The following MRO variants were observed in gnomAD, a reference collection of about 807,000 sequenced individuals.
The protein encoded by MRO is maestro, also known as protein maestro.
MRO carries 28 observed loss-of-function variants against 31.0 expected under a neutral mutation model. The ratio of observed to expected loss-of-function variants is 0.90; its 90% CI spans 0.67 to 1.24. The LOEUF is 1.24. Among genes scored for constraint, MRO ranks in the 50% most tolerant of loss-of-function variants. The probability of loss-of-function intolerance (pLI) is 0.00; values close to 1 mark genes in which losing one functional copy is unlikely to be tolerated. For missense variants in MRO, 332 were observed against 289.2 expected, an observed-to-expected ratio of 1.15 and a Z score of -1.07; for synonymous variants, 108 against 108.4, an observed-to-expected ratio of 1.00 and a Z score of 0.02.
chr18:50,807,317 C>T (rs978098444), intron 3 of MRO, among the ~76,000 whole-genome samples: 6 of 152,110 alleles, frequency 3.9e-5, no homozygotes, highest in Admixed American at 6.5e-5. Context: ...TGTTTTCTCC[C>T]GTTTGTCTCC....
At chr18:50,824,039 GT>G (rs1233551455), upstream of MRO, 2 of 152,332 alleles carry the variant, frequency 1.3e-5, no homozygotes, top group Admixed American at 6.5e-5. Flanking sequence ...GGAACAAATT[GT>G]TTCTAAACCA....
upstream of MRO, among the ~76,000 whole-genome samples, chr18:50,824,378 C>G (rs1381704997): frequency 1.3e-5 from 2 of 151,540 alleles, no homozygotes; most frequent in East Asian, 3.9e-4. Context: ...GAGGTCAAGG[C>G]TAAAGTAAGC....
At chr18:50,805,025 C>A in intron 5 of MRO, 129 bp downstream of exon 5, 1 of 653,908 alleles carries the variant, frequency 1.5e-6, no homozygotes, top group Non-Finnish European at 2.6e-6. Context: ...CTCCTGACCT[C>A]GTGATCCCAC....
chr18:50,799,442 T>G (rs1469803735), intron 7 of MRO, 52 bp from the exon 8 acceptor site: 2 of 1,501,344 alleles, frequency 1.3e-6, no homozygotes, highest in Non-Finnish European at 9.3e-7. Context: ...ACAAACTTCC[T>G]TGACAATGTA....
At chr18:50,824,443 CT>C (rs35455658), upstream of MRO, among the ~76,000 whole-genome samples, 107 of 139,354 alleles carry the variant, frequency 7.7e-4, no homozygotes, top group Admixed American at 2.3e-3. Flanking sequence ...ACTGTCTTTT[CT>C]TTTTTTTTTT....
intron 6 of MRO, 83 bp from the exon 7 acceptor site, chr18:50,800,226 C>T (rs1005522239): frequency 1.0e-6 from 1 of 966,860 alleles, no homozygotes; most frequent in African/African-American, 1.6e-5. Flanking sequence ...GGATTGCACC[C>T]AATCTGTGGT....
intron 2 of MRO, 131 bp downstream of exon 2, chr18:50,819,448 CAA>C: frequency 6.9e-7 from 1 of 1,440,660 alleles, no homozygotes; most frequent in Non-Finnish European, 9.1e-7. Context: ...AGAACATTAC[CAA>C]ATCCTACCCC....
At chr18:50,799,477 G>T (rs531960774) in intron 7 of MRO, 87 bp from the exon 8 acceptor site, 127 of 1,140,558 alleles carry the variant, frequency 1.1e-4, no homozygotes, top group Admixed American at 1.1e-3. Context: ...ATCAGTGCAG[G>T]GCATGTGGAT....
upstream of MRO, among the ~76,000 whole-genome samples, chr18:50,825,001 AGAGGTC>A (rs1271100705): frequency 6.6e-6 from 1 of 150,652 alleles, no homozygotes; most frequent in Non-Finnish European, 1.5e-5. Context: ...CCTGGGAGGC[AGAGGTC>A]GCAGTGAGCC....
intron 5 of MRO, among the ~76,000 whole-genome samples, chr18:50,802,915 T>TGTGTG (rs780095287): frequency 3.7e-5 from 4 of 108,950 alleles, no homozygotes; most frequent in East Asian, 2.6e-4. Flanking sequence ...TGTGTGTGTG[T>TGTGTG]AGTGTGTGTG....
At chr18:50,802,289 C>T (rs1391607373) in intron 5 of MRO, among the ~76,000 whole-genome samples, 1 of 152,148 alleles carries the variant, frequency 6.6e-6, no homozygotes, top group African/African-American at 2.4e-5. Flanking sequence ...ACCCTCCCAC[C>T]TCTCCCTGCT....
intron 2 of MRO, among the ~76,000 whole-genome samples, chr18:50,816,379 T>C (rs1232398400): frequency 6.6e-6 from 1 of 152,242 alleles, no homozygotes; most frequent in Non-Finnish European, 1.5e-5. Context: ...TATTGCCCTG[T>C]AAATTGTGGT....
intron 7 of MRO, 35 bp downstream of exon 7, chr18:50,800,001 C>G (rs201341785): frequency 1.3e-6 from 2 of 1,491,978 alleles, no homozygotes; most frequent in African/African-American, 2.8e-5. Context: ...GGGCAGGGAC[C>G]GGAAAAGAAT....
Position 50,813,901 on chromosome 18 carries a change from C to T in MRO, c.-4-4497G>A, listed in dbSNP as rs182825667. On this transcript the variant is annotated intron_variant, in intron 2 of 7. Transcript: ENST00000398439. ...ACCTGTTGGGTACCATGCTTATTACCTGAGTGACAAAACAATCTGTACTTC... is the reference window on the plus strand; with the variant it reads ...ACCTGTTGGGTACCATGCTTATTACTTGAGTGACAAAACAATCTGTACTTC... Among the ~76,000 whole-genome samples, 9 of 152,276 alleles carry T rather than the reference C, an allele frequency of 5.9e-5. No homozygotes were observed. The East Asian group carries it at 1.7e-3, about 29-fold the overall frequency.
intron 5 of MRO, among the ~76,000 whole-genome samples, chr18:50,803,088 C>T (rs1445422285): frequency 6.6e-6 from 1 of 152,090 alleles, no homozygotes; most frequent in Non-Finnish European, 1.5e-5. Flanking sequence ...GCTTCATGGC[C>T]TCAGATAGTG....
intron 2 of MRO, 160 bp downstream of exon 2, chr18:50,819,421 A>G: frequency 3.0e-6 from 3 of 985,320 alleles, no homozygotes; most frequent in Non-Finnish European, 3.6e-6. Flanking sequence ...AACATTGCCC[A>G]CTTCAGTTTT....
At chr18:50,820,106 G>A, upstream of MRO, 1 of 754,410 alleles carries the variant, frequency 1.3e-6, no homozygotes, top group Non-Finnish European at 2.2e-6. Context: ...CAATGGACGG[G>A]TTCCAGGCGA....
Position 50,798,164 on chromosome 18 carries a change from G to T in MRO, c.*1173C>A, listed in dbSNP as rs1912946811. 1 of 152,144 alleles carries T rather than the reference G, an allele frequency of 6.6e-6. No individual in the cohort carries two copies. 9.4% of individuals were successfully genotyped at this position (152,144 alleles called of 1,614,324 possible). A position where few individuals can be genotyped will look rare whatever the true frequency, so the allele number is the denominator to read the frequency against. On this transcript the variant is annotated 3_prime_UTR_variant, in exon 8 of 8. Coordinates refer to ENST00000398439, the MANE Select transcript of MRO (RefSeq NM_031939.6). ...AGCTTGGGATGCAATCTGGTTAGAGGGAGGGTGAGAGGGACTTAGAGATTT... is the reference window on the plus strand; with the variant it reads ...AGCTTGGGATGCAATCTGGTTAGAGTGAGGGTGAGAGGGACTTAGAGATTT...
rs1162001015 is a variant in MRO, at chr18:50,798,634, C to A, written c.*703G>T. 1 of 152,142 alleles carries A rather than the reference C, an allele frequency of 6.6e-6. No individual in the cohort carries two copies. Among genetic ancestry groups the A allele is most frequent in the East Asian group, 1.9e-4 (1 of 5,196 alleles). 9.4% of individuals were successfully genotyped at this position (152,142 alleles called of 1,614,324 possible). ...AGTATTAAATAGAACTTACAAAAAG[C>A]ACTTTGACCGTGCCCACTGAATTGT... On this transcript the variant is annotated 3_prime_UTR_variant, in exon 8 of 8. Transcript: ENST00000398439.
Sources: gnomAD v4.1 joint callset for allele counts (sites outside exome capture counted in the v4.1 genomes callset) on GRCh38, gnomAD v4.1.1 for gene constraint, MANE v1.5 for transcripts, NCBI Gene and HGNC (gene_info 2026-07-23, HGNC 2026-07-21) for gene names.